Variants in FBN3 observed in about 807,000 individuals in gnomAD.
The protein encoded by FBN3 is fibrillin 3, also known as fibrillin-3.
FBN3 carries 234 observed loss-of-function variants against 330.1 expected under a neutral mutation model. The observed-to-expected ratio is 0.71, with a 90% CI of 0.64 to 0.79. The LOEUF (loss-of-function observed/expected upper bound fraction) is 0.79, where lower values mean the gene tolerates loss of function less well. Ranked by LOEUF, FBN3 falls within the 30% of genes least tolerant of loss-of-function variation. FBN3 has a pLI of 0.00. For missense variants in FBN3, 3,606 were observed against 3,886.9 expected (o/e 0.93, Z 1.92); for synonymous variants, 1,458 against 1,517.3 (o/e 0.96, Z 0.91).
At chr19:8,073,678 G>T (rs1176232638) in intron 61 of FBN3, among the ~76,000 whole-genome samples, 1 of 152,146 alleles carries the variant, frequency 6.6e-6, no homozygotes, top group Admixed American at 6.5e-5. Flanking sequence ...AAACCTATCC[G>T]CCTCCAATTG....
In FBN3 at chr19:8,075,140, G is replaced by A; in HGVS notation, c.7633C>T (p.Gln2545Ter). The A allele has an allele frequency of 6.3e-6, 10 of 1,580,254 alleles. No homozygotes were observed. Among genetic ancestry groups the A allele is most frequent in the Non-Finnish European group, 7.7e-6 (9 of 1,162,504 alleles). Residue 2545 changes from glutamine (Q) to a stop codon, truncating the protein, a stop_gained, in exon 61 of 64, where the codon CAG (glutamine) becomes TAG (stop). Transcript: ENST00000600128. LOFTEE classifies it high-confidence loss of function. Reference protein sequence around the residue: ...PHRCQHGCQNQLGGYRCSCPQ... With the variant: ...PHRCQHGCQN ...CAGCTGCAGCGGTAGCCCCCTAGCT[G>A]GTTCTGACAGCCATGCTGGCAGCGG...
Position 8,123,481 on chromosome 19 carries a change from T to TGGGCATCCA in FBN3, c.3056_3064dup (p.Leu1019_Ala1021dup). 6.2e-7 allele frequency: 1 copy of TGGGCATCCA among 1,613,960 alleles called. No individual in the cohort carries two copies. Among genetic ancestry groups the TGGGCATCCA allele is most frequent in the Non-Finnish European group, 8.5e-7 (1 of 1,179,938 alleles). ...GCACCTACCTGTGCAGTTCCGTTCC[T>TGGGCATCCA]GGGCATCCAGGGCGAAGCCCCCCGC... On this transcript the variant is annotated inframe_insertion, in exon 24 of 64. Coordinates refer to ENST00000600128, the MANE Select transcript of FBN3 (RefSeq NM_032447.5).
intron 38 of FBN3, among the ~76,000 whole-genome samples, chr19:8,105,362 A>T (rs2082416942): frequency 6.6e-6 from 1 of 150,772 alleles, no homozygotes; most frequent in Admixed American, 6.6e-5. Context: ...GGCTCAAGTG[A>T]TCCTCCTGCC....
chr19:8,090,245 C>T lies in FBN3; in HGVS notation c.6038G>A (p.Arg2013Gln), dbSNP rs767684446. Residue 2013 changes from arginine to glutamine, a missense_variant, in exon 49 of 64, where the codon CGG becomes CAG. By Grantham distance (43) the Arg-to-Gln change is conservative (BLOSUM62 1). Transcript: ENST00000600128. Reference protein sequence around the residue: ...SDNGHRCFDTRQSFCFTRFEA... With the variant: ...SDNGHRCFDTQQSFCFTRFEA... ...AAAACGGGTGAAGCAGAAACTCTGC[C>T]GTGTGTCTGTGGGGTGGGGGCTCCA... The T allele has an allele frequency of 9.3e-6, 15 of 1,613,722 alleles. No homozygotes were observed. Among genetic ancestry groups the T allele is most frequent in the Non-Finnish European group, 1.3e-5 (15 of 1,179,982 alleles).
chr19:8,121,256 A>C lies in FBN3; in HGVS notation c.3211+2T>G. ...CCACACCCCTGCCCGGCAGTCACCG[A>C]CCCATGCAGTTCTTCATCAGCATGA... On this transcript the variant is annotated splice_donor_variant, in intron 25 of 63. Coordinates refer to ENST00000600128, the MANE Select transcript of FBN3 (RefSeq NM_032447.5). LOFTEE classifies it high-confidence loss of function. This position sits in a 1 kb window ranked among gnomAD's most constrained non-coding sequence, Gnocchi z 4.5. 1 of 1,597,812 alleles carries C rather than the reference A, an allele frequency of 6.3e-7. No homozygotes were observed. The highest frequency in any genetic ancestry group is 8.5e-7 in the Non-Finnish European group (1 of 1,170,692).
intron 30 of FBN3, 94 bp downstream of exon 30, chr19:8,115,421 C>T: frequency 1.4e-6 from 2 of 1,420,216 alleles, no homozygotes; most frequent in Non-Finnish European, 1.9e-6. Flanking sequence ...TGAATTCTGG[C>T]TGTGCTCTGC....
chr19:8,125,964 T>C lies in FBN3; in HGVS notation c.2659A>G (p.Asn887Asp). The change falls in exon 22 of 64, where the codon AAC becomes GAC. Residue 887 changes from asparagine to aspartate, a missense_variant. Coordinates refer to ENST00000600128, the MANE Select transcript of FBN3 (RefSeq NM_032447.5). ...TCACAGCGGAAAGACCCAGCAGTGTTGACGCAACGCCCGTTGGGACAGACT... is the reference window on the plus strand; with the variant it reads ...TCACAGCGGAAAGACCCAGCAGTGTCGACGCAACGCCCGTTGGGACAGACT... Reference protein sequence around the residue: ...PGVCPNGRCVNTAGSFRCECP... With the variant: ...PGVCPNGRCVDTAGSFRCECP... The C allele has an allele frequency of 6.2e-7, 1 of 1,613,882 alleles. No homozygotes were observed. Among genetic ancestry groups the C allele is most frequent in the Non-Finnish European group, 8.5e-7 (1 of 1,179,996 alleles).
Position 8,131,181 on chromosome 19 carries a change from C to G in FBN3, c.2044+54G>C, listed in dbSNP as rs1195787102. The G allele has an allele frequency of 1.3e-6, 2 of 1,556,492 alleles. No homozygotes were observed. The highest frequency in any genetic ancestry group is 2.3e-5 in the East Asian group (1 of 43,812). The stretch of plus-strand genomic sequence containing the variant: ...TACAGCCTCCCACCACAGCTCTCCC[C>G]ACATCTGGTAGGGGCAGGCTGGCTG... On this transcript the variant is annotated intron_variant, in intron 16 of 63. Transcript: ENST00000600128. This position sits in a 1 kb window ranked among gnomAD's most constrained non-coding sequence, Gnocchi z 4.5.
At position 8,085,434 on chromosome 19, in the gene FBN3, C is replaced by A. The variant is rs548768164; in HGVS notation, c.7016G>T (p.Cys2339Phe). ...GRGWGPRCELCPLPGTSAYRK... is the reference protein window; with the variant it reads ...GRGWGPRCELFPLPGTSAYRK... The stretch of plus-strand genomic sequence containing the variant: ...GTAGGCAGAGGTGCCGGGCAGGGGA[C>A]AGAGCTCGCAGCGGGGCCCCCAGCC... Residue 2339 changes from cysteine to phenylalanine, a missense_variant, in exon 56 of 64, where the codon TGT becomes TTT. Transcript: ENST00000600128. 2.5e-6 allele frequency: 4 copies of A among 1,578,558 alleles called. No homozygotes were observed. Among genetic ancestry groups the A allele is most frequent in the Admixed American group, 3.7e-5 (2 of 53,638 alleles).
chr19:8,133,124 G>C lies in FBN3; in HGVS notation c.1592-18C>G. On this transcript the variant is annotated intron_variant, in intron 13 of 63. Coordinates refer to ENST00000600128, the MANE Select transcript of FBN3 (RefSeq NM_032447.5). Reference sequence around the variant, plus strand: ...GTTGTGGTCTGGGGACAACAGCAGAGGCTGGGTCCAGGCAGGGACCACACT... The same window carrying C: ...GTTGTGGTCTGGGGACAACAGCAGACGCTGGGTCCAGGCAGGGACCACACT... 2 of 1,560,430 alleles carry C rather than the reference G, an allele frequency of 1.3e-6. No individual in the cohort carries two copies. The highest frequency in any genetic ancestry group is 2.4e-5 in the South Asian group (2 of 84,916).
chr19:8,079,686 G>A (rs1375328965), intron 59 of FBN3, among the ~76,000 whole-genome samples: 1 of 152,138 alleles, frequency 6.6e-6, no homozygotes, highest in African/African-American at 2.4e-5. Context: ...CACCTCCCAG[G>A]TTCAAGTGAT....
In FBN3 at chr19:8,096,760, C is replaced by T. The variant is rs981439293; in HGVS notation, c.5413+121G>A. 157 of 1,338,014 alleles carry T rather than the reference C, an allele frequency of 1.2e-4. No homozygotes were observed. Among genetic ancestry groups the T allele is most frequent in the Non-Finnish European group, 1.1e-4 (108 of 972,652 alleles). 82.9% of individuals were successfully genotyped at this position (1,338,014 alleles called of 1,614,324 possible). ...ATCCTATTAACAGACACTCTCAATA[C>T]ATCCCCCACCCCCCTAATAGTATAG... On this transcript the variant is annotated intron_variant, in intron 43 of 63. Coordinates refer to ENST00000600128, the MANE Select transcript of FBN3 (RefSeq NM_032447.5). This position sits in a 1 kb window ranked among gnomAD's most constrained non-coding sequence, Gnocchi z 4.6.
chr19:8,144,842 C>T (rs1350507218), intron 6 of FBN3, 35 bp downstream of exon 6: 1 of 1,523,422 alleles, frequency 6.6e-7, no homozygotes, highest in Admixed American at 1.9e-5. Context: ...TCCATCGAGT[C>T]CCCTGTCTAC....
Position 8,122,821 on chromosome 19 carries a change from C to T in FBN3, c.3082+643G>A, listed in dbSNP as rs572358697. On this transcript the variant is annotated intron_variant, in intron 24 of 63. Transcript: ENST00000600128. Reference sequence around the variant, plus strand: ...CTGGGACTACAGGTGCCTGCCACCACGCTGGGCTAATTTTTGTATTTTTAG... The same window carrying T: ...CTGGGACTACAGGTGCCTGCCACCATGCTGGGCTAATTTTTGTATTTTTAG... 1.0e-3 allele frequency among the ~76,000 whole-genome samples: 153 copies of T among 151,972 alleles called. 1 individual carries two copies. The highest frequency in any genetic ancestry group is 3.3e-3 in the African/African-American group (135 of 41,458).
intron 24 of FBN3, among the ~76,000 whole-genome samples, chr19:8,122,829 T>G (rs2082884714): frequency 6.6e-6 from 1 of 151,778 alleles, no homozygotes; most frequent in Non-Finnish European, 1.5e-5. Context: ...CACGCTGGGC[T>G]AATTTTTGTA....
intron 18 of FBN3, among the ~76,000 whole-genome samples, chr19:8,128,504 A>C (rs1421529623): frequency 6.6e-6 from 1 of 151,788 alleles, no homozygotes; most frequent in Admixed American, 6.6e-5. Context: ...CAGAGGTTGC[A>C]GTGAGCTGAG....
intron 6 of FBN3, among the ~76,000 whole-genome samples, chr19:8,143,238 G>A (rs959493953): frequency 1.1e-4 from 16 of 152,118 alleles, no homozygotes; most frequent in Admixed American, 1.0e-3. Context: ...CAGTCCCCAT[G>A]GATGGGGCAG....
At chr19:8,112,816 A>T (rs2144838174) in intron 30 of FBN3, among the ~76,000 whole-genome samples, 1 of 152,298 alleles carries the variant, frequency 6.6e-6, no homozygotes, top group Non-Finnish European at 1.5e-5. Flanking sequence ...GTTACTAAAC[A>T]TTTCTTTCCC....
Position 8,083,384 on chromosome 19 carries a change from T to A in FBN3, c.7088-12A>T. On this transcript the variant is annotated splice_polypyrimidine_tract_variant and intron_variant, in intron 56 of 63. Transcript: ENST00000600128. ...GCATTCATCTACATCTGGGAAAAAG[T>A]AGGGTGCAAATGGGGCTGGCTGGCT... is the stretch of plus-strand genomic sequence containing the variant. 6.2e-7 allele frequency: 1 copy of A among 1,613,706 alleles called. No homozygotes were observed. The highest frequency in any genetic ancestry group is 8.5e-7 in the Non-Finnish European group (1 of 1,179,964).
Sources: gnomAD v4.1 joint callset for allele counts (sites outside exome capture counted in the v4.1 genomes callset) on GRCh38, gnomAD v4.1.1 for gene constraint, Gnocchi (gnomAD v3.1) non-coding constraint, MANE v1.5 for transcripts, NCBI Gene and HGNC (gene_info 2026-07-23, HGNC 2026-07-21) for gene names.